Variants in TOP6BL observed in about 807,000 individuals in gnomAD.
TOP6BL encodes type 2 DNA topoisomerase 6 subunit B-like.
At chr11:66,824,818 T>G in the TOP6BL span, among the ~76,000 whole-genome samples, 2 of 152,194 alleles carry the variant, frequency 1.3e-5, no homozygotes, top group East Asian at 1.9e-4. Context: ...GGTGTATATG[T>G]GCCACATTTT....
chr11:66,831,996 C>CAAAAA, the TOP6BL span, among the ~76,000 whole-genome samples: 3 of 46,640 alleles, frequency 6.4e-5, no homozygotes, highest in Non-Finnish European at 1.2e-4. Context: ...GACTCTGTCT[C>CAAAAA]AAAAAAAAAA....
At chr11:66,819,044 C>T in the TOP6BL span, among the ~76,000 whole-genome samples, 1 of 152,178 alleles carries the variant, frequency 6.6e-6, no homozygotes. Flanking sequence ...AGAAGATGCA[C>T]AGTGAGGGAA....
the TOP6BL span, among the ~76,000 whole-genome samples, chr11:66,833,943 G>A: frequency 1.3e-5 from 2 of 150,066 alleles, no homozygotes; most frequent in Admixed American, 6.6e-5. Flanking sequence ...GCAAGACTCT[G>A]TCTCAAAAAA....
At chr11:66,778,110 A>G in the TOP6BL span, among the ~76,000 whole-genome samples, 3 of 146,328 alleles carry the variant, frequency 2.1e-5, no homozygotes, top group Admixed American at 2.1e-4. Context: ...TTTTTTTTTA[A>G]GAGACAGTCT....
the TOP6BL span, chr11:66,815,591 A>T: frequency 6.5e-6 from 1 of 153,724 alleles, no homozygotes; most frequent in Non-Finnish European, 1.4e-5. Context: ...CTCTTTTCTT[A>T]TCTGTAAAAG....
At chr11:66,747,638 T>C in the TOP6BL span, among the ~76,000 whole-genome samples, 17 of 152,270 alleles carry the variant, frequency 1.1e-4, no homozygotes, top group Admixed American at 4.6e-4. Context: ...TGCTAGAATT[T>C]GGCACATCAG....
the TOP6BL span, among the ~76,000 whole-genome samples, chr11:66,817,695 C>G: frequency 2.6e-5 from 4 of 152,094 alleles, no homozygotes; most frequent in Non-Finnish European, 5.9e-5. Flanking sequence ...CCTCAGCCCC[C>G]CAAAGTACTG....
the TOP6BL span, among the ~76,000 whole-genome samples, chr11:66,780,307 GA>G: frequency 4.0e-5 from 6 of 151,828 alleles, no homozygotes; most frequent in African/African-American, 1.2e-4. Flanking sequence ...AAAATTCAAG[GA>G]AAAAAATAGT....
At chr11:66,785,145 G>A in the TOP6BL span, among the ~76,000 whole-genome samples, 1 of 151,556 alleles carries the variant, frequency 6.6e-6, no homozygotes, top group Non-Finnish European at 1.5e-5. Context: ...TTTTAGTAGA[G>A]ACGGGGTTTC....
At chr11:66,776,928 G>A in the TOP6BL span, among the ~76,000 whole-genome samples, 1 of 152,202 alleles carries the variant, frequency 6.6e-6, no homozygotes, top group East Asian at 1.9e-4. Flanking sequence ...GTGTGCAGCT[G>A]TAGTGTCCCA....
chr11:66,761,951 C>G, the TOP6BL span: 1 of 1,553,280 alleles, frequency 6.4e-7, no homozygotes, highest in Non-Finnish European at 8.9e-7. Context: ...GGTCTTCAAC[C>G]TTCTGCCCTT....
At chr11:66,754,095 G>A in the TOP6BL span, among the ~76,000 whole-genome samples, 1 of 152,204 alleles carries the variant, frequency 6.6e-6, no homozygotes, top group South Asian at 2.1e-4. Flanking sequence ...GAAGGAGAAT[G>A]GGGTATTTGT....
chr11:66,822,732 G>A, the TOP6BL span: 25 of 1,215,936 alleles, frequency 2.1e-5, no homozygotes, highest in South Asian at 1.2e-4. Context: ...GGCTGGGTAC[G>A]GTGGCTCATG....
the TOP6BL span, chr11:66,796,219 T>C: frequency 5.2e-5 from 65 of 1,260,674 alleles, no homozygotes; most frequent in South Asian, 7.9e-4. Context: ...AATACCGTTT[T>C]AATTCATTTG....
the TOP6BL span, among the ~76,000 whole-genome samples, chr11:66,748,095 T>C: frequency 2.6e-5 from 4 of 152,234 alleles, no homozygotes; most frequent in Admixed American, 2.6e-4. Context: ...CTAATTATTA[T>C]TTCCAGATGA....
chr11:66,760,457 A>T, the TOP6BL span, among the ~76,000 whole-genome samples: 16 of 147,276 alleles, frequency 1.1e-4, no homozygotes, highest in Admixed American at 4.1e-4. Context: ...TCTCAAAAAA[A>T]AAAAAAGAAA....
At chr11:66,827,966 GA>G in the TOP6BL span, among the ~76,000 whole-genome samples, 250 of 30,108 alleles carry the variant, frequency 8.3e-3, no homozygotes, top group East Asian at 0.017. Context: ...CTCTGTCTCA[GA>G]AAAAAAAAAA....
chr11:66,842,911 C>G, the TOP6BL span: 9 of 1,567,932 alleles, frequency 5.7e-6, no homozygotes, highest in South Asian at 8.2e-5. Flanking sequence ...AGAGGAGATG[C>G]GAGCTCTGCG....
the TOP6BL span, among the ~76,000 whole-genome samples, chr11:66,751,864 A>T: frequency 6.6e-6 from 1 of 152,134 alleles, no homozygotes; most frequent in East Asian, 1.9e-4. Context: ...TTCAGTTAAT[A>T]CTTATTTTAT....
Sources: allele counts gnomAD v4.1 joint callset (sites outside exome capture counted in the v4.1 genomes callset), GRCh38; gene constraint gnomAD v4.1.1; transcripts MANE v1.5; gene names NCBI Gene and HGNC (gene_info 2026-07-23, HGNC 2026-07-21).